The following GLMN variants were observed in gnomAD, a reference collection of about 807,000 sequenced individuals.
GLMN encodes the protein glomulin, FKBP associated protein.
Under a neutral mutation model 87.8 loss-of-function variants are expected in GLMN, and 75 were observed. The ratio of observed to expected loss-of-function variants is 0.85; its 90% CI spans 0.71 to 1.04. The LOEUF (loss-of-function observed/expected upper bound fraction) is 1.04. Ranked by LOEUF, GLMN falls within the 50% of genes least tolerant of loss-of-function variation. The pLI, the probability that GLMN is intolerant of heterozygous loss-of-function variation, is 0.00. For synonymous variants in GLMN, 206 were observed against 221.6 expected, an observed-to-expected ratio of 0.93 and a Z score of 0.63; for missense variants, 588 against 658.8, an observed-to-expected ratio of 0.89 and a Z score of 1.18.
chr1:92,310,363 G>A, the GLMN span, among the ~76,000 whole-genome samples: 1 of 152,086 alleles, frequency 6.6e-6, no homozygotes, highest in Non-Finnish European at 1.5e-5. Context: ...TTAAAAGCTT[G>A]TCTAGCTATT....
chr1:92,365,192 C>A, the GLMN span, among the ~76,000 whole-genome samples: 1 of 151,598 alleles, frequency 6.6e-6, no homozygotes, highest in Non-Finnish European at 1.5e-5. Context: ...TTAAGTAAGA[C>A]CTCTCATTGG....
At chr1:92,280,138 T>G (rs1647835654) in intron 7 of GLMN, among the ~76,000 whole-genome samples, 1 of 152,228 alleles carries the variant, frequency 6.6e-6, no homozygotes, top group Non-Finnish European at 1.5e-5. Flanking sequence ...CGAGCTCCGA[T>G]AATAGACAGA....
intron 7 of GLMN, among the ~76,000 whole-genome samples, chr1:92,280,127 T>G (rs929720722): frequency 2.0e-5 from 3 of 152,200 alleles, no homozygotes; most frequent in Admixed American, 6.5e-5. Flanking sequence ...AGCATAGCAT[T>G]CGAGCTCCGA....
At chr1:92,273,874 A>G (rs2100943354) in intron 7 of GLMN, among the ~76,000 whole-genome samples, 1 of 152,256 alleles carries the variant, frequency 6.6e-6, no homozygotes, top group South Asian at 2.1e-4. Flanking sequence ...CACACCATCC[A>G]GCAGTCTTGC....
At chr1:92,292,040 C>T (rs1381448234) in intron 3 of GLMN, among the ~76,000 whole-genome samples, 1 of 152,172 alleles carries the variant, frequency 6.6e-6, no homozygotes, top group Non-Finnish European at 1.5e-5. Flanking sequence ...AGAATGCTTA[C>T]CATACAAGTA....
chr1:92,291,337 T>C, intron 4 of GLMN, 81 bp downstream of exon 4: 1 of 1,283,972 alleles, frequency 7.8e-7, no homozygotes, highest in Non-Finnish European at 1.1e-6. Flanking sequence ...AAAAGCTTTC[T>C]TACCAAACAA....
At chr1:92,365,827 T>G in the GLMN span, among the ~76,000 whole-genome samples, 2 of 152,222 alleles carry the variant, frequency 1.3e-5, no homozygotes, top group East Asian at 3.8e-4. Flanking sequence ...TGTGAACTTG[T>G]GTGGTCTAGC....
At chr1:92,363,793 A>T in the GLMN span, 800 of 285,326 alleles carry the variant, frequency 2.8e-3, 7 homozygotes, top group South Asian at 7.7e-3. Context: ...TCTCTTCTTT[A>T]TGATTTGCTT....
chr1:92,326,420 A>G, the GLMN span, among the ~76,000 whole-genome samples: 1 of 152,030 alleles, frequency 6.6e-6, no homozygotes, highest in African/African-American at 2.4e-5. Flanking sequence ...TTAATGTACT[A>G]TTTTTGTGCT....
At chr1:92,280,789 G>C (rs1647938316) in intron 7 of GLMN, among the ~76,000 whole-genome samples, 1 of 152,184 alleles carries the variant, frequency 6.6e-6, no homozygotes, top group Non-Finnish European at 1.5e-5. Context: ...TGATGGAGCT[G>C]AAAACCATGG....
At chr1:92,317,282 G>T in the GLMN span, among the ~76,000 whole-genome samples, 1 of 152,138 alleles carries the variant, frequency 6.6e-6, no homozygotes, top group African/African-American at 2.4e-5. Context: ...GCCGAGGCGG[G>T]TGAATCATGA....
At chr1:92,343,583 G>A in the GLMN span, among the ~76,000 whole-genome samples, 1 of 152,018 alleles carries the variant, frequency 6.6e-6, no homozygotes, top group Non-Finnish European at 1.5e-5. Flanking sequence ...TCTAAAATTT[G>A]ATTCAGGTAT....
In GLMN at chr1:92,291,455, C is replaced by T. The variant is rs1300899960; in HGVS notation, c.248G>A (p.Arg83Lys). 6.3e-7 allele frequency: 1 copy of T among 1,595,566 alleles called. No individual in the cohort carries two copies. Among genetic ancestry groups the T allele is most frequent in the Non-Finnish European group, 8.6e-7 (1 of 1,163,292 alleles). The change falls in exon 4 of 19, where the codon AGA becomes AAA. Residue 83 changes from arginine (R) to lysine (K), a missense_variant. Transcript: ENST00000370360. ...LLCKDKEDSK[R>K]KVYFLIFDLL... ...ATCAAAGATCAAAAAATAAACTTTTCTTTTACTATCCTCTTTATCTTTACA... is the reference window on the plus strand; with the variant it reads ...ATCAAAGATCAAAAAATAAACTTTTTTTTTACTATCCTCTTTATCTTTACA...
upstream of GLMN, among the ~76,000 whole-genome samples, chr1:92,302,590 A>ATTTTTTTTTTTTTTTTTTTT (rs36067595): frequency 1.3e-5 from 1 of 74,316 alleles, no homozygotes; most frequent in Non-Finnish European, 2.3e-5. Flanking sequence ...TCCGCATTAA[A>ATTTTTTTTTTTTTTTTTTTT]TTTTTTTTTT....
chr1:92,359,624 A>G, the GLMN span, among the ~76,000 whole-genome samples: 1 of 152,188 alleles, frequency 6.6e-6, no homozygotes, highest in Non-Finnish European at 1.5e-5. Context: ...CTGGCAATGC[A>G]CTTGGTTTTA....
At chr1:92,293,310 G>C (rs1453206435) in intron 3 of GLMN, among the ~76,000 whole-genome samples, 1 of 152,054 alleles carries the variant, frequency 6.6e-6, no homozygotes, top group African/African-American at 2.4e-5. Context: ...AATAACAAAT[G>C]CTGGCAAGGA....
At chr1:92,261,446 A>G (rs997096787) in intron 16 of GLMN, among the ~76,000 whole-genome samples, 4 of 152,182 alleles carry the variant, frequency 2.6e-5, no homozygotes, top group Non-Finnish European at 5.9e-5. Flanking sequence ...GTACCACTGT[A>G]ATCCAGCCTG....
At chr1:92,267,402 T>A (rs531375103) in intron 11 of GLMN, among the ~76,000 whole-genome samples, 72 of 152,188 alleles carry the variant, frequency 4.7e-4, no homozygotes, top group Admixed American at 9.2e-4. Flanking sequence ...AATTAAAATT[T>A]AAATTTGAAA....
At position 92,269,715 on chromosome 1, in the gene GLMN, G is replaced by A. The variant is rs1439333534; in HGVS notation, c.977+8C>T. 5.1e-5 allele frequency: 81 copies of A among 1,591,882 alleles called. 1 individual carries two copies. The highest frequency in any genetic ancestry group is 6.6e-5 in the Non-Finnish European group (77 of 1,160,204). On this transcript the variant is annotated splice_region_variant and intron_variant, in intron 9 of 18. Coordinates refer to ENST00000370360, the MANE Select transcript of GLMN (RefSeq NM_053274.3). The stretch of plus-strand genomic sequence containing the variant: ...TTTCATTTTGAGATACCATCTAAAC[G>A]ATCTTACCTTTGCAAAAAGACTTCA...
Sources: allele counts gnomAD v4.1 joint callset (sites outside exome capture counted in the v4.1 genomes callset), GRCh38; gene constraint gnomAD v4.1.1; transcripts MANE v1.5; gene names NCBI Gene and HGNC (gene_info 2026-07-23, HGNC 2026-07-21).